The following ABCA8 variants were observed in gnomAD, a reference collection of about 807,000 sequenced individuals.
ABCA8 encodes the protein ABC-type organic anion transporter ABCA8.
Under a neutral mutation model 192.3 loss-of-function variants are expected in ABCA8, and 177 were observed. The observed-to-expected ratio is 0.92, with a 90% CI of 0.81 to 1.04. The LOEUF is 1.04. Among genes scored for constraint, ABCA8 ranks in the 50% least tolerant of loss-of-function variants. The probability of loss-of-function intolerance (pLI) is 0.00; values close to 1 mark genes in which losing one functional copy is unlikely to be tolerated. For missense variants in ABCA8, 1,915 were observed against 1,904.8 expected, an observed-to-expected ratio of 1.01 and a Z score of -0.10; for synonymous variants, 642 against 690.2, an observed-to-expected ratio of 0.93 and a Z score of 1.09.
At chr17:68,949,019 T>G (rs956676315) in intron 2 of ABCA8, among the ~76,000 whole-genome samples, 1 of 152,206 alleles carries the variant, frequency 6.6e-6, no homozygotes, top group African/African-American at 2.4e-5. Context: ...CATTGTTTGT[T>G]TTTGTCAGGT....
intron 6 of ABCA8, among the ~76,000 whole-genome samples, chr17:68,932,809 T>C (rs2067942545): frequency 6.6e-6 from 1 of 152,198 alleles, no homozygotes; most frequent in Non-Finnish European, 1.5e-5. Context: ...CCACCCCTCA[T>C]CTCAAGCTTC....
At chr17:68,919,609 T>C in intron 13 of ABCA8, 133 bp from the exon 14 acceptor site, 1 of 736,780 alleles carries the variant, frequency 1.4e-6, no homozygotes, top group Non-Finnish European at 2.1e-6. Context: ...TCTACTTTAG[T>C]TGCATAGTAT....
chr17:68,924,802 C>T lies in ABCA8; in HGVS notation c.1341G>A (p.Lys447=), dbSNP rs1567866515. ...CATCTTCAAGGGCCACGTGATCAGT[C>T]TTTTGTGTTTGAGACCAAAATGAGG... ...LKSSFWSQTQ[K]TDHVALEDEM... is the part of the protein sequence containing the mutation. Residue 447 remains lysine (K), a synonymous_variant, in exon 11 of 40, where the codon AAG becomes AAA. Coordinates refer to ENST00000586539, the MANE Select transcript of ABCA8 (RefSeq NM_001288985.2). 1.9e-6 allele frequency: 3 copies of T among 1,614,118 alleles called. No homozygotes were observed. The highest frequency in any genetic ancestry group is 2.5e-6 in the Non-Finnish European group (3 of 1,179,988).
Position 68,876,515 on chromosome 17 carries a change from C to G in ABCA8, c.4315G>C (p.Val1439Leu), listed in dbSNP as rs746089418. The change falls in exon 35 of 40, where the codon GTG (valine) becomes CTG (leucine). Residue 1439 changes from valine to leucine, a missense_variant. Coordinates refer to ENST00000586539, the MANE Select transcript of ABCA8 (RefSeq NM_001288985.2). The stretch of plus-strand genomic sequence containing the variant: ...CCGGTCGACGGCTCATCCAGAAGCA[C>G]CACTGACGGGTTCCCCAGTATGCTC... The part of the protein sequence containing the change: ...VLSILGNPSV[V>L]LLDEPSTGMD... The G allele has an allele frequency of 1.2e-6, 2 of 1,614,044 alleles. No individual in the cohort carries two copies. The highest frequency in any genetic ancestry group is 2.2e-5 in the South Asian group (2 of 91,074).
intron 26 of ABCA8, 47 bp from the exon 27 acceptor site, chr17:68,885,362 A>G: frequency 6.4e-7 from 1 of 1,553,484 alleles, no homozygotes; most frequent in Non-Finnish European, 8.7e-7. Context: ...TTTCAATGTA[A>G]GTTCCAAATC....
chr17:68,931,408 C>T (rs2067872282), intron 7 of ABCA8, among the ~76,000 whole-genome samples: 1 of 152,174 alleles, frequency 6.6e-6, no homozygotes, highest in South Asian at 2.1e-4. Flanking sequence ...CATGGCAACA[C>T]ATTTTTTTAA....
rs760523309 is a variant in ABCA8, at chr17:68,887,345, A to G, written c.3306T>C (p.His1102=). 4 of 1,599,676 alleles carry G rather than the reference A, an allele frequency of 2.5e-6. No individual in the cohort carries two copies. Among genetic ancestry groups the G allele is most frequent in the South Asian group, 1.1e-5 (1 of 88,554 alleles). The change falls in exon 25 of 40, where the codon CAT becomes CAC. Residue 1102 remains histidine (H), a synonymous_variant. Transcript: ENST00000586539. ...NFEDMLLTII[H]IIQIPCAVGY... ...GGATATTGTCACTTACTTGAATAATATGAATTATTGTAAGTAGCATGTCTT... is the reference window on the plus strand; with the variant it reads ...GGATATTGTCACTTACTTGAATAATGTGAATTATTGTAAGTAGCATGTCTT...
At chr17:68,907,172 C>G (rs2067090379) in intron 18 of ABCA8, among the ~76,000 whole-genome samples, 1 of 151,892 alleles carries the variant, frequency 6.6e-6, no homozygotes, top group Non-Finnish European at 1.5e-5. Context: ...CCTGATGATT[C>G]TAAGGAATGC....
At chr17:68,876,347 GT>G (rs1435079849) in intron 35 of ABCA8, 112 bp downstream of exon 35, 12 of 1,231,172 alleles carry the variant, frequency 9.7e-6, no homozygotes, top group East Asian at 7.2e-5. Context: ...GACATTGATA[GT>G]TTTTTTGTTC....
intron 17 of ABCA8, among the ~76,000 whole-genome samples, chr17:68,914,202 A>G (rs953980592): frequency 6.6e-5 from 10 of 152,142 alleles, no homozygotes; most frequent in East Asian, 1.9e-4. Context: ...ATCATACTCA[A>G]TGGGGGAAAG....
In ABCA8 at chr17:68,945,809, A is replaced by ATG. The variant is rs527422110; in HGVS notation, c.-6+3501_-6+3502dup. Reference sequence around the variant, plus strand: ...TGTTTGTATTTATGTTTGTGTGTATATGTGTGTGTGTGCGCATATGTATAT... The same window carrying ATG: ...TGTTTGTATTTATGTTTGTGTGTATATGTGTGTGTGTGTGCGCATATGTATAT... On this transcript the variant is annotated intron_variant, in intron 2 of 39. Coordinates refer to ENST00000586539, the MANE Select transcript of ABCA8 (RefSeq NM_001288985.2). Among the ~76,000 whole-genome samples the ATG allele has an allele frequency of 1.8e-3, 280 of 151,782 alleles. 1 individual carries two copies. Among genetic ancestry groups the ATG allele is most frequent in the African/African-American group, 6.1e-3 (253 of 41,402 alleles).
chr17:68,929,588 G>A lies in ABCA8; in HGVS notation c.912C>T (p.Ser304=), dbSNP rs540491916. 9.3e-6 allele frequency: 15 copies of A among 1,613,458 alleles called. No individual in the cohort carries two copies. The highest frequency in any genetic ancestry group is 1.0e-5 in the Non-Finnish European group (12 of 1,179,748). ...AAGATAATCCATACAGGAGAAAGAG[G>A]CTGAAGACTACCATGAAGCCAGACA... ...IILSGFMVVF[S]LFLLYGLSLV... is the part of the protein sequence containing the mutation. Residue 304 remains serine (S), a synonymous_variant, in exon 8 of 40, where the codon AGC becomes AGT. Transcript: ENST00000586539.
In ABCA8 at chr17:68,911,734, TACACACACACAC is replaced by T. The variant is rs60957466; in HGVS notation, c.2139-3867_2139-3856del. 4.2e-5 allele frequency among the ~76,000 whole-genome samples: 6 copies of T among 143,980 alleles called. No homozygotes were observed. The highest frequency in any genetic ancestry group is 1.0e-4 in the African/African-American group (4 of 39,090). 94.5% of individuals were successfully genotyped at this position (143,980 alleles called of 152,430 possible). ...CCTCTGCCAGCTCCAGACAGCTCAA[TACACACACACAC>T]ACACACACACACACACACACACACT... On this transcript the variant is annotated intron_variant, in intron 17 of 39. Coordinates refer to ENST00000586539, the MANE Select transcript of ABCA8 (RefSeq NM_001288985.2). The surrounding 1 kb of genome is among the most constrained non-coding windows in gnomAD (Gnocchi z 5.7).
At chr17:68,927,119 C>T (rs748587797) in intron 10 of ABCA8, among the ~76,000 whole-genome samples, 2 of 151,958 alleles carry the variant, frequency 1.3e-5, no homozygotes, top group Admixed American at 1.3e-4. Flanking sequence ...ATTAGCCAGG[C>T]GTGTGGCACA....
chr17:68,945,545 C>T (rs1326132076), intron 2 of ABCA8, among the ~76,000 whole-genome samples: 2 of 152,096 alleles, frequency 1.3e-5, no homozygotes, highest in Non-Finnish European at 2.9e-5. Flanking sequence ...CATAAATGCA[C>T]ATTCCTTCAT....
intron 36 of ABCA8, 91 bp from the exon 37 acceptor site, chr17:68,875,491 G>C (rs2066177472): frequency 1.3e-6 from 2 of 1,594,732 alleles, no homozygotes; most frequent in Non-Finnish European, 1.7e-6. Flanking sequence ...ATTGTCTCAA[G>C]GTCCCTATTG....
At chr17:68,889,144 A>AT (rs2143364777) in intron 24 of ABCA8, among the ~76,000 whole-genome samples, 1 of 152,380 alleles carries the variant, frequency 6.6e-6, no homozygotes, top group South Asian at 2.1e-4. Flanking sequence ...AAAAGGGAAC[A>AT]TTACATAAAC....
chr17:68,941,905 A>G (rs2068239983), intron 3 of ABCA8, 34 bp downstream of exon 3: 1 of 1,476,520 alleles, frequency 6.8e-7, no homozygotes, highest in African/African-American at 1.4e-5. Flanking sequence ...TTTTCCTATC[A>G]TAAATAGAGA....
chr17:68,906,192 A>G, intron 18 of ABCA8, 29 bp from the exon 19 acceptor site: 2 of 1,443,010 alleles, frequency 1.4e-6, no homozygotes, highest in Non-Finnish European at 9.2e-7. Context: ...GCAGTGAATT[A>G]AAACAAGAAT....
Sources: allele counts gnomAD v4.1 joint callset (sites outside exome capture counted in the v4.1 genomes callset), GRCh38; gene constraint gnomAD v4.1.1; non-coding constraint Gnocchi (gnomAD v3.1); transcripts MANE v1.5; gene names NCBI Gene and HGNC (gene_info 2026-07-23, HGNC 2026-07-21).